Variants in PHF19 observed in about 807,000 individuals in gnomAD.
The protein encoded by PHF19 is PHD finger protein 19.
Under a neutral mutation model 79.8 loss-of-function variants are expected in PHF19, and 21 were observed. The ratio of observed to expected loss-of-function variants is 0.26; its 90% CI spans 0.19 to 0.38. The LOEUF (loss-of-function observed/expected upper bound fraction) is 0.38. PHF19 is among the 10% of genes least tolerant of loss of function. The pLI is 1.00. For synonymous variants in PHF19, 273 were observed against 296.3 expected, an observed-to-expected ratio of 0.92 and a Z score of 0.81; for missense variants, 445 against 744.2, an observed-to-expected ratio of 0.60 and a Z score of 4.68.
chr9:120,900,574 T>C, the PHF19 span, among the ~76,000 whole-genome samples: 1 of 152,106 alleles, frequency 6.6e-6, no homozygotes, highest in African/African-American at 2.4e-5. Context: ...TTTTCTTTTA[T>C]TTTCCTTTTT....
intron 3 of PHF19, among the ~76,000 whole-genome samples, chr9:120,872,055 A>G (rs910169605): frequency 2.7e-5 from 4 of 150,170 alleles, no homozygotes; most frequent in African/African-American, 9.8e-5. Context: ...AAAAAAAAAA[A>G]AAAAAAAAAA....
At position 120,857,651 on chromosome 9, in the gene PHF19, C is replaced by A. The variant is rs989131840; in HGVS notation, c.*293G>T. On this transcript the variant is annotated 3_prime_UTR_variant, in exon 15 of 15. Transcript: ENST00000373896. The stretch of plus-strand genomic sequence containing the variant: ...AGACCTGGGCCTCAGGAGGAAGGGT[C>A]CCAGCGCAGGGGACACAAGGTCAGA... The A allele has an allele frequency of 1.2e-5, 4 of 324,918 alleles. No individual in the cohort carries two copies. The South Asian group carries it at 3.3e-4, about 26-fold the overall frequency. The allele number at this position is 324,918 out of a possible 1,614,324, so 20.1% of individuals were successfully genotyped here. A position where few individuals can be genotyped will look rare whatever the true frequency, so the allele number is the denominator to read the frequency against.
At chr9:120,875,424 G>A (rs1488315022) in intron 1 of PHF19, among the ~76,000 whole-genome samples, 1 of 152,016 alleles carries the variant, frequency 6.6e-6, no homozygotes, top group Non-Finnish European at 1.5e-5. Flanking sequence ...GCCTCTCCAC[G>A]CCTGTCTCTC....
intron 6 of PHF19, 86 bp from the exon 7 acceptor site, chr9:120,867,051 C>T (rs943650681): frequency 1.3e-6 from 1 of 775,014 alleles, no homozygotes; most frequent in Non-Finnish European, 2.3e-6. Flanking sequence ...GTTAAATTTG[C>T]CCTCCACTGG....
At chr9:120,877,745 A>G (rs1401762595), upstream of PHF19, among the ~76,000 whole-genome samples, 2 of 152,248 alleles carry the variant, frequency 1.3e-5, no homozygotes, top group East Asian at 3.8e-4. Context: ...CAGCACAAGT[A>G]TAATGTAGAT....
At chr9:120,876,789 G>A (rs2046073004) in intron 1 of PHF19, among the ~76,000 whole-genome samples, 1 of 152,222 alleles carries the variant, frequency 6.6e-6, no homozygotes, top group South Asian at 2.1e-4. Flanking sequence ...GACTTCGGAC[G>A]TGAGCGAAAT....
Position 120,874,748 on chromosome 9 carries a change from C to T in PHF19, c.-7G>A. 6.2e-7 allele frequency: 1 copy of T among 1,608,656 alleles called. No homozygotes were observed. The highest frequency in any genetic ancestry group is 8.5e-7 in the Non-Finnish European group (1 of 1,175,562). On this transcript the variant is annotated 5_prime_UTR_variant, in exon 2 of 15. Transcript: ENST00000373896. This position sits in a 1 kb window ranked among gnomAD's most constrained non-coding sequence, Gnocchi z 4.5. ...CCAGAGCTCGATTCTCCATCAGCTT[C>T]CCCTGACACTGGGAGAGAAAGAACA...
At chr9:120,896,451 CTTTTTTTTTTTTTTTTTT>C (rs1472068049), upstream of PHF19, among the ~76,000 whole-genome samples, 8 of 82,712 alleles carry the variant, frequency 9.7e-5, no homozygotes, top group Admixed American at 1.5e-4. Context: ...TTTTTTTTTT[CTTTTTTTTTTTTTTTTTT>C]GAGACGGAGT....
Position 120,865,948 on chromosome 9 carries a change from A to T in PHF19, c.779+80T>A. 18 of 1,574,992 alleles carry T rather than the reference A, an allele frequency of 1.1e-5. No individual in the cohort carries two copies. In the South Asian group the frequency reaches 1.9e-4, roughly 16 times the overall value. Reference sequence around the variant, plus strand: ...CAGGGTTGGGACCCAGTAGCTGGAAATGGAATTGTTCCAGGAGGGAGGAGG... The same window carrying T: ...CAGGGTTGGGACCCAGTAGCTGGAATTGGAATTGTTCCAGGAGGGAGGAGG... On this transcript the variant is annotated intron_variant, in intron 8 of 14. Coordinates refer to ENST00000373896, the MANE Select transcript of PHF19 (RefSeq NM_015651.3).
At position 120,869,428 on chromosome 9, in the gene PHF19, G is replaced by T; in HGVS notation, c.466-98C>A. The stretch of plus-strand genomic sequence containing the variant: ...TTGAGGGAAGTGCTGCCAGGGCTTG[G>T]GGGACCCGCAGATATTCCAATATAG... On this transcript the variant is annotated intron_variant, in intron 5 of 14. Transcript: ENST00000373896. This position sits in a 1 kb window ranked among gnomAD's most constrained non-coding sequence, Gnocchi z 5.8. 7.1e-7 allele frequency: 1 copy of T among 1,411,534 alleles called. No individual in the cohort carries two copies. Among genetic ancestry groups the T allele is most frequent in the East Asian group, 2.4e-5 (1 of 41,622 alleles). The allele number at this position is 1,411,534 out of a possible 1,614,324, so 87.4% of individuals were successfully genotyped here.
chr9:120,880,008 G>A (rs974038547), upstream of PHF19, among the ~76,000 whole-genome samples: 7 of 151,704 alleles, frequency 4.6e-5, no homozygotes, highest in African/African-American at 1.7e-4. Flanking sequence ...ATATAGGGGG[G>A]TGGGGGGTGA....
At chr9:120,884,061 C>T (rs1297990324) in intron 1 of PHF19, among the ~76,000 whole-genome samples, 1 of 152,130 alleles carries the variant, frequency 6.6e-6, no homozygotes, top group African/African-American at 2.4e-5. Context: ...TGAGTTGCTC[C>T]CAGTCATTCT....
rs1264138466 is a variant in PHF19 at position 120,856,834 on chromosome 9, G to A, written c.*1110C>T. Reference sequence around the variant, plus strand: ...GCTGGTTGATGGGCTGAAAGAAGGAGCGGCCACTGAGCTTTCACATTTAGT... The same window carrying A: ...GCTGGTTGATGGGCTGAAAGAAGGAACGGCCACTGAGCTTTCACATTTAGT... On this transcript the variant is annotated 3_prime_UTR_variant, in exon 15 of 15. Transcript: ENST00000373896. The A allele has an allele frequency of 6.5e-6, 1 of 152,750 alleles. No homozygotes were observed. Among genetic ancestry groups the A allele is most frequent in the Admixed American group, 6.5e-5 (1 of 15,286 alleles). 9.5% of individuals were successfully genotyped at this position (152,750 alleles called of 1,614,324 possible).
intron 1 of PHF19, among the ~76,000 whole-genome samples, chr9:120,887,073 A>AAAAG (rs1554821911): frequency 8.0e-4 from 116 of 144,286 alleles, no homozygotes; most frequent in Non-Finnish European, 1.0e-3. Flanking sequence ...CTAAAAAAAA[A>AAAAG]AAAAGAAAAG....
In PHF19 at chr9:120,860,070, C is replaced by T. The variant is rs1218866044; in HGVS notation, c.1400+20G>A. 4 of 1,366,608 alleles carry T rather than the reference C, an allele frequency of 2.9e-6. No homozygotes were observed. The highest frequency in any genetic ancestry group is 3.1e-6 in the Non-Finnish European group (3 of 971,214). 84.7% of individuals were successfully genotyped at this position (1,366,608 alleles called of 1,614,324 possible). A position where few individuals can be genotyped will look rare whatever the true frequency, so the allele number is the denominator to read the frequency against. On this transcript the variant is annotated intron_variant, in intron 14 of 14. Transcript: ENST00000373896. This position sits in a 1 kb window ranked among gnomAD's most constrained non-coding sequence, Gnocchi z 4.1. ...GATGGTCCTTGCAAAATGTGAAGGC[C>T]AGACCTCTAGGAAGCTCACCTGGAG...
At chr9:120,871,920 C>A (rs1213663049) in intron 3 of PHF19, among the ~76,000 whole-genome samples, 2 of 151,596 alleles carry the variant, frequency 1.3e-5, no homozygotes, top group African/African-American at 4.9e-5. Flanking sequence ...TGGCTGTAGT[C>A]CCAGCTACTC....
chr9:120,880,219 G>A (rs114706430), upstream of PHF19, among the ~76,000 whole-genome samples: 1,956 of 152,346 alleles, frequency 0.013, 36 homozygotes, highest in African/African-American at 0.045. Flanking sequence ...GATAGGCCAG[G>A]CACTGTGGCT....
In PHF19 at chr9:120,869,236, G is replaced by A. The variant is rs754288239; in HGVS notation, c.560C>T (p.Ser187Leu). Reference sequence around the variant, plus strand: ...TTGCTGCTGGTTGGTGCGATGGGGCGAGTCCCACTCGAGCTCCTCGGGCTG... The same window carrying A: ...TTGCTGCTGGTTGGTGCGATGGGGCAAGTCCCACTCGAGCTCCTCGGGCTG... The part of the protein sequence containing the change: ...SYQPEELEWD[S>L]PHRTNQQQCY... The change falls in exon 6 of 15, where the codon TCG becomes TTG. Residue 187 changes from serine to leucine, a missense_variant. By Grantham distance (145) the Ser-to-Leu change is moderately radical. This residue lies in a region of PHF19 where 167 missense variants were observed against 375.8 expected (regional missense o/e 0.44). Coordinates refer to ENST00000373896, the MANE Select transcript of PHF19 (RefSeq NM_015651.3). This position sits in a 1 kb window ranked among gnomAD's most constrained non-coding sequence, Gnocchi z 5.8. The A allele has an allele frequency of 1.2e-6, 2 of 1,612,284 alleles. No homozygotes were observed. The highest frequency in any genetic ancestry group is 1.1e-5 in the South Asian group (1 of 90,688).
At chr9:120,887,621 AACACACAC>A (rs764204141) in intron 1 of PHF19, among the ~76,000 whole-genome samples, 18 of 113,642 alleles carry the variant, frequency 1.6e-4, no homozygotes, top group African/African-American at 5.6e-4. Context: ...TTTATGAACA[AACACACAC>A]ACACACACAC....
Sources: allele counts gnomAD v4.1 joint callset (sites outside exome capture counted in the v4.1 genomes callset), GRCh38; gene constraint gnomAD v4.1.1; regional missense constraint gnomAD v4.1.1; non-coding constraint Gnocchi (gnomAD v3.1); transcripts MANE v1.5; gene names NCBI Gene and HGNC (gene_info 2026-07-23, HGNC 2026-07-21).